Variants in CCDC171 observed in about 807,000 individuals in gnomAD.
CCDC171 encodes coiled-coil domain containing 171, also known as coiled-coil domain-containing protein 171.
A neutral mutation model predicts 168.2 loss-of-function variants in CCDC171; 177 were observed. The observed-to-expected ratio is 1.05, with a 90% CI of 0.93 to 1.19. CCDC171 has a LOEUF of 1.19. Ranked by LOEUF, CCDC171 falls within the 50% of genes most tolerant of loss-of-function variation. The pLI, the probability that CCDC171 is intolerant of heterozygous loss-of-function variation, is 0.00. For synonymous variants in CCDC171, 687 were observed against 540.8 expected, an observed-to-expected ratio of 1.27 and a Z score of -3.75; for missense variants, 1,991 against 1,539.0, an observed-to-expected ratio of 1.29 and a Z score of -4.91.
chr9:15,899,085 T>C (rs1821295640), intron 24 of CCDC171, among the ~76,000 whole-genome samples: 1 of 152,196 alleles, frequency 6.6e-6, no homozygotes, highest in Non-Finnish European at 1.5e-5. Flanking sequence ...ACTTTTTGAG[T>C]TGGCTTTTTC....
chr9:15,656,663 A>G (rs968828303), intron 7 of CCDC171, among the ~76,000 whole-genome samples: 1 of 152,224 alleles, frequency 6.6e-6, no homozygotes, highest in African/African-American at 2.4e-5. Context: ...TTCAATTTAT[A>G]TACAACTCCA....
the CCDC171 span, among the ~76,000 whole-genome samples, chr9:16,095,307 C>T: frequency 6.6e-6 from 1 of 152,120 alleles, no homozygotes; most frequent in Admixed American, 6.5e-5. Context: ...AACCTACATT[C>T]ACATACGGGC....
chr9:15,638,146 A>T (rs571273991), intron 7 of CCDC171, among the ~76,000 whole-genome samples: 1 of 152,154 alleles, frequency 6.6e-6, no homozygotes, highest in East Asian at 1.9e-4. Flanking sequence ...TGAAGCTTTG[A>T]AGGTAGTCTA....
chr9:15,716,592 A>G (rs1192704582), intron 11 of CCDC171, among the ~76,000 whole-genome samples: 5 of 152,164 alleles, frequency 3.3e-5, no homozygotes, highest in Admixed American at 3.3e-4. Context: ...TGGGTAATTA[A>G]TAAAGAAAGG....
intron 6 of CCDC171, among the ~76,000 whole-genome samples, chr9:15,611,407 A>C (rs1433329763): frequency 6.6e-6 from 1 of 152,206 alleles, no homozygotes; most frequent in African/African-American, 2.4e-5. Context: ...CACTAAAAAG[A>C]TGAGAAGAAG....
At chr9:16,058,056 AAT>A (rs1403583612) in intron 1 of CCDC171, among the ~76,000 whole-genome samples, 8 of 128,438 alleles carry the variant, frequency 6.2e-5, no homozygotes, top group Middle Eastern at 3.6e-3. Context: ...AAAAAAAAAT[AAT>A]AATAATAATA....
intron 3 of CCDC171, among the ~76,000 whole-genome samples, chr9:16,012,599 T>G (rs1460256965): frequency 1.9e-5 from 1 of 53,912 alleles, no homozygotes; most frequent in African/African-American, 6.5e-5. Flanking sequence ...TCGTTATGGA[T>G]TGCTGGTTGT....
chr9:15,606,011 A>G lies in CCDC171; in HGVS notation c.675+11839A>G, dbSNP rs543848696. On this transcript the variant is annotated intron_variant, in intron 6 of 25. Coordinates refer to ENST00000380701, the MANE Select transcript of CCDC171 (RefSeq NM_173550.4). ...ATATGCTGTGTTTTTTTCTATACAC[A>G]CACATACCTATGATAACGTTTAATT... Among the ~76,000 whole-genome samples, 12 of 152,266 alleles carry G rather than the reference A, an allele frequency of 7.9e-5. No individual in the cohort carries two copies. In the East Asian group the frequency reaches 2.1e-3, roughly 27 times the overall value.
chr9:15,740,964 T>C (rs73416235), intron 16 of CCDC171, among the ~76,000 whole-genome samples: 1 of 152,326 alleles, frequency 6.6e-6, no homozygotes, highest in African/African-American at 2.4e-5. Context: ...TTCAACCATA[T>C]TTAAAACTTT....
At chr9:15,807,587 A>G (rs954332930) in intron 21 of CCDC171, among the ~76,000 whole-genome samples, 1 of 152,020 alleles carries the variant, frequency 6.6e-6, no homozygotes, top group Non-Finnish European at 1.5e-5. Flanking sequence ...AGTGATTCTC[A>G]GTCTTGGTGA....
chr9:15,781,224 T>A (rs1341157230), intron 20 of CCDC171, among the ~76,000 whole-genome samples: 1 of 152,232 alleles, frequency 6.6e-6, no homozygotes, highest in East Asian at 1.9e-4. Flanking sequence ...CTTTGATTAG[T>A]TTAGAAGTAG....
chr9:15,650,589 T>C (rs2047437593), intron 7 of CCDC171, among the ~76,000 whole-genome samples: 12 of 152,182 alleles, frequency 7.9e-5, no homozygotes, highest in Admixed American at 7.9e-4. Context: ...TTTTATCGTA[T>C]GATTTCTTTT....
the CCDC171 span, among the ~76,000 whole-genome samples, chr9:16,085,191 C>T: frequency 3.7e-3 from 558 of 152,316 alleles, 4 homozygotes; most frequent in Non-Finnish European, 5.0e-3. Flanking sequence ...GACACTCCAT[C>T]CATAAATGAT....
At chr9:15,667,730 G>A (rs1368246972) in intron 9 of CCDC171, among the ~76,000 whole-genome samples, 1 of 152,202 alleles carries the variant, frequency 6.6e-6, no homozygotes, top group Non-Finnish European at 1.5e-5. Context: ...ATTTTTGTGA[G>A]TGTGACAAAA....
chr9:15,965,404 G>T (rs945852378), intron 25 of CCDC171, among the ~76,000 whole-genome samples: 2 of 152,184 alleles, frequency 1.3e-5, no homozygotes, highest in African/African-American at 2.4e-5. Flanking sequence ...ACATGGTAAG[G>T]TAATGGTCAA....
chr9:15,554,259 A>G (rs1182236296), intron 1 of CCDC171, among the ~76,000 whole-genome samples: 1 of 152,150 alleles, frequency 6.6e-6, no homozygotes, highest in East Asian at 1.9e-4. Context: ...TGACATCGTG[A>G]TCCGCCCGCC....
In CCDC171 at chr9:15,596,996, G is replaced by C. The variant is rs1449923471; in HGVS notation, c.675+2824G>C. ...CTTGTGATTTTTGCACATTGATTTT[G>C]TATCCTGAGACTTTGCTGAAGTTGC... On this transcript the variant is annotated intron_variant, in intron 6 of 25. Coordinates refer to ENST00000380701, the MANE Select transcript of CCDC171 (RefSeq NM_173550.4). Among the ~76,000 whole-genome samples, 5 of 152,220 alleles carry C rather than the reference G, an allele frequency of 3.3e-5. No homozygotes were observed. In the South Asian group the frequency reaches 8.3e-4, roughly 25 times the overall value.
chr9:15,787,565 T>C (rs1396309812), intron 21 of CCDC171, among the ~76,000 whole-genome samples: 1 of 152,118 alleles, frequency 6.6e-6, no homozygotes, highest in Non-Finnish European at 1.5e-5. Flanking sequence ...TTTGCTATTA[T>C]AAGTAAGTAT....
rs1159379261 is a variant in CCDC171 at position 15,751,450 on chromosome 9, A to C, written c.2671+5819A>C. Among the ~76,000 whole-genome samples the C allele has an allele frequency of 2.0e-5, 3 of 152,226 alleles. No homozygotes were observed. In the East Asian group the frequency reaches 5.8e-4, roughly 29 times the overall value. ...CTTTAAATTTCATACGGAACCAAGA[A>C]GAGCCCGCATAGCCAAGACAATCCT... On this transcript the variant is annotated intron_variant, in intron 18 of 25. Coordinates refer to ENST00000380701, the MANE Select transcript of CCDC171 (RefSeq NM_173550.4).
Sources: allele counts gnomAD v4.1 joint callset (sites outside exome capture counted in the v4.1 genomes callset), GRCh38; gene constraint gnomAD v4.1.1; transcripts MANE v1.5; gene names NCBI Gene and HGNC (gene_info 2026-07-23, HGNC 2026-07-21).